Variants in PRKN observed in about 807,000 individuals in gnomAD.
PRKN encodes the protein E3 ubiquitin-protein ligase parkin.
A neutral mutation model predicts 59.5 loss-of-function variants in PRKN; 56 were observed. That is an observed-to-expected ratio of 0.94 (90% CI 0.76 to 1.18). PRKN has a LOEUF of 1.18. PRKN is among the 50% of genes most tolerant of loss of function. The pLI is 0.00. For synonymous variants in PRKN, 250 were observed against 222.1 expected, an observed-to-expected ratio of 1.13 and a Z score of -1.12; for missense variants, 657 against 596.4, an observed-to-expected ratio of 1.10 and a Z score of -1.06.
At chr6:161,900,435 A>C (rs1375563229) in intron 6 of PRKN, among the ~76,000 whole-genome samples, 1 of 143,804 alleles carries the variant, frequency 7.0e-6, no homozygotes, top group African/African-American at 2.6e-5. Flanking sequence ...AAAATAATAT[A>C]TATTTTTATA....
intron 4 of PRKN, among the ~76,000 whole-genome samples, chr6:162,149,703 G>C (rs1389548654): frequency 6.6e-6 from 1 of 152,104 alleles, no homozygotes; most frequent in Non-Finnish European, 1.5e-5. Flanking sequence ...TCACTATCAG[G>C]GGCCAGAAAT....
intron 6 of PRKN, among the ~76,000 whole-genome samples, chr6:161,792,723 G>A (rs575710294): frequency 6.6e-6 from 1 of 152,244 alleles, no homozygotes; most frequent in South Asian, 2.1e-4. Context: ...GCCCCAGTTA[G>A]CAATCTTTCA....
In PRKN at chr6:161,533,229, A is replaced by G. The variant is rs914990026; in HGVS notation, c.1083+15625T>C. On this transcript the variant is annotated intron_variant, in intron 9 of 11. Coordinates refer to ENST00000366898, the MANE Select transcript of PRKN (RefSeq NM_004562.3). This position sits in a 1 kb window ranked among gnomAD's most constrained non-coding sequence, Gnocchi z 4.1. ...GATATTACAAAACTAAAATTCTTAA[A>G]ATAATTTCTGAAAAACTAGTGATAC... Among the ~76,000 whole-genome samples the G allele has an allele frequency of 6.6e-6, 1 of 152,188 alleles. No homozygotes were observed. Among genetic ancestry groups the G allele is most frequent in the African/African-American group, 2.4e-5 (1 of 41,456 alleles).
In PRKN at chr6:161,379,582, C is replaced by T. The variant is rs1439770858; in HGVS notation, c.1167+7212G>A. 6.6e-6 allele frequency among the ~76,000 whole-genome samples: 1 copy of T among 152,176 alleles called. No homozygotes were observed. The highest frequency in any genetic ancestry group is 2.4e-5 in the African/African-American group (1 of 41,424). ...GACAGCTCTCTGCCAAGTCTCTACC[C>T]GGGAAGTGCCCCCAGCTGAAGAAAG... is the stretch of plus-strand genomic sequence containing the variant. On this transcript the variant is annotated intron_variant, in intron 10 of 11. Coordinates refer to ENST00000366898, the MANE Select transcript of PRKN (RefSeq NM_004562.3). This position sits in a 1 kb window ranked among gnomAD's most constrained non-coding sequence, Gnocchi z 4.9.
In PRKN at chr6:161,363,661, T is replaced by A. The variant is rs1266443775; in HGVS notation, c.1168-3456A>T. The stretch of plus-strand genomic sequence containing the variant: ...GAGTGGCAAAAAAACACACAAATTA[T>A]CTACAAAGAAGTTACAATTATTCCC... On this transcript the variant is annotated intron_variant, in intron 10 of 11. Coordinates refer to ENST00000366898, the MANE Select transcript of PRKN (RefSeq NM_004562.3). The surrounding 1 kb of genome is among the most constrained non-coding windows in gnomAD (Gnocchi z 4.1). Among the ~76,000 whole-genome samples, 1 of 152,114 alleles carries A rather than the reference T, an allele frequency of 6.6e-6. No homozygotes were observed. The highest frequency in any genetic ancestry group is 2.4e-5 in the African/African-American group (1 of 41,414).
At chr6:162,230,946 G>T (rs1216327401) in intron 3 of PRKN, among the ~76,000 whole-genome samples, 1 of 152,140 alleles carries the variant, frequency 6.6e-6, no homozygotes, top group Non-Finnish European at 1.5e-5. Context: ...TAACATCGTG[G>T]GTTCAGACAC....
intron 2 of PRKN, among the ~76,000 whole-genome samples, chr6:162,370,409 T>A (rs925896618): frequency 6.6e-6 from 1 of 152,228 alleles, no homozygotes; most frequent in East Asian, 1.9e-4. Flanking sequence ...AAGGATGTTG[T>A]ATAAATATTC....
chr6:161,392,574 C>A (rs1457592746), intron 9 of PRKN, among the ~76,000 whole-genome samples: 1 of 151,366 alleles, frequency 6.6e-6, no homozygotes, highest in Non-Finnish European at 1.5e-5. Flanking sequence ...AGCCATATGG[C>A]AAATTCCTCT....
chr6:161,785,781 G>A lies in PRKN; in HGVS notation c.862C>T (p.Pro288Ser), dbSNP rs887280483. ...AACATGCTAGACTTACCCACACAAG[G>A]CAGGGAGTAGCCAAGTTGAGGGTCG... The part of the protein sequence containing the change: ...VHDPQLGYSL[P>S]CVAGCPNSLI... Residue 288 changes from proline (P) to serine (S), a missense_variant, in exon 7 of 12, where the codon CCT (proline) becomes TCT (serine). Pro to Ser is a moderately conservative substitution (Grantham distance 74). Coordinates refer to ENST00000366898, the MANE Select transcript of PRKN (RefSeq NM_004562.3). 1 of 1,613,898 alleles carries A rather than the reference G, an allele frequency of 6.2e-7. No individual in the cohort carries two copies. The highest frequency in any genetic ancestry group is 8.5e-7 in the Non-Finnish European group (1 of 1,179,886).
At chr6:161,384,686 C>T (rs1026461565) in intron 10 of PRKN, among the ~76,000 whole-genome samples, 4 of 152,220 alleles carry the variant, frequency 2.6e-5, no homozygotes, top group African/African-American at 9.6e-5. Flanking sequence ...GAGGTTCTGG[C>T]TTCTGCAACT....
In PRKN at chr6:162,290,086, C is replaced by T. The variant is rs566599099; in HGVS notation, c.172-27321G>A. 1.8e-3 allele frequency among the ~76,000 whole-genome samples: 279 copies of T among 152,252 alleles called. 1 individual carries two copies. Among genetic ancestry groups the T allele is most frequent in the Middle Eastern group, 3.4e-3 (1 of 294 alleles). On this transcript the variant is annotated intron_variant, in intron 2 of 11. Transcript: ENST00000366898. ...TTTTATTCGCCTCCTATGTCCTGAG[C>T]ATGAGAATTGAGCACCAGAGGAAGA...
intron 5 of PRKN, among the ~76,000 whole-genome samples, chr6:162,008,128 G>A (rs1782332439): frequency 6.6e-6 from 1 of 152,186 alleles, no homozygotes; most frequent in Non-Finnish European, 1.5e-5. Context: ...ATCCAGGAAA[G>A]CTGAGCTGCA....
Position 161,376,372 on chromosome 6 carries a change from G to A in PRKN, c.1167+10422C>T, listed in dbSNP as rs149184335. On this transcript the variant is annotated intron_variant, in intron 10 of 11. Coordinates refer to ENST00000366898, the MANE Select transcript of PRKN (RefSeq NM_004562.3). This position sits in a 1 kb window ranked among gnomAD's most constrained non-coding sequence, Gnocchi z 7.3. ...GTCCACAATGAATGTGTGTCTCCCC[G>A]AACAACCTGCTTTTGTTTCTGTCTC... 3.9e-3 allele frequency among the ~76,000 whole-genome samples: 590 copies of A among 152,234 alleles called. 7 individuals carry two copies. Among genetic ancestry groups the A allele is most frequent in the Admixed American group, 0.021 (323 of 15,292 alleles).
rs893641481 is a variant in PRKN at position 161,419,547 on chromosome 6, C to G, written c.1084-32670G>C. Among the ~76,000 whole-genome samples the G allele has an allele frequency of 1.3e-5, 2 of 151,992 alleles. No individual in the cohort carries two copies. The highest frequency in any genetic ancestry group is 4.8e-5 in the African/African-American group (2 of 41,358). On this transcript the variant is annotated intron_variant, in intron 9 of 11. Coordinates refer to ENST00000366898, the MANE Select transcript of PRKN (RefSeq NM_004562.3). This position sits in a 1 kb window ranked among gnomAD's most constrained non-coding sequence, Gnocchi z 4.1. ...GGATTACAGGTACACGCCACTGCGC[C>G]TGGCTAATTTTTGTATTTTTTTAAA...
At chr6:162,463,301 C>G (rs1043260119) in intron 1 of PRKN, among the ~76,000 whole-genome samples, 3 of 152,092 alleles carry the variant, frequency 2.0e-5, no homozygotes, top group South Asian at 2.1e-4. Context: ...CAAAGTTTTG[C>G]ATGGAATCAC....
At chr6:162,704,318 G>A (rs1385015785) in intron 1 of PRKN, among the ~76,000 whole-genome samples, 1 of 152,118 alleles carries the variant, frequency 6.6e-6, no homozygotes, top group Non-Finnish European at 1.5e-5. Flanking sequence ...CAAAGCCTCT[G>A]TGCTGGCACT....
chr6:162,333,972 T>A (rs1294671318), intron 2 of PRKN, among the ~76,000 whole-genome samples: 2 of 152,178 alleles, frequency 1.3e-5, no homozygotes, highest in East Asian at 3.9e-4. Context: ...CTGAGTTATC[T>A]GGATACAAGA....
rs1786265785 is a variant in PRKN, at chr6:161,386,717, A to G, written c.1167+77T>C. On this transcript the variant is annotated intron_variant, in intron 10 of 11. Transcript: ENST00000366898. This position sits in a 1 kb window ranked among gnomAD's most constrained non-coding sequence, Gnocchi z 4.3. Reference sequence around the variant, plus strand: ...TTGCTTTTTTAGAATGGAACTCTCCATGACCTCCAGGAAACGGCTCCAGTC... The same window carrying G: ...TTGCTTTTTTAGAATGGAACTCTCCGTGACCTCCAGGAAACGGCTCCAGTC... 4 of 1,121,276 alleles carry G rather than the reference A, an allele frequency of 3.6e-6. No individual in the cohort carries two copies. Among genetic ancestry groups the G allele is most frequent in the Non-Finnish European group, 5.5e-6 (4 of 729,994 alleles). 69.5% of individuals were successfully genotyped at this position (1,121,276 alleles called of 1,614,324 possible).
chr6:162,641,756 T>C (rs1777969620), intron 1 of PRKN, among the ~76,000 whole-genome samples: 2 of 152,194 alleles, frequency 1.3e-5, no homozygotes, highest in Admixed American at 6.5e-5. Context: ...CATAGAGAAG[T>C]CATTTTCTAG....
Sources: allele counts gnomAD v4.1 joint callset (sites outside exome capture counted in the v4.1 genomes callset), GRCh38; gene constraint gnomAD v4.1.1; non-coding constraint Gnocchi (gnomAD v3.1); transcripts MANE v1.5; gene names NCBI Gene and HGNC (gene_info 2026-07-23, HGNC 2026-07-21).